The following TRIM52 variants were observed in gnomAD, a reference collection of about 807,000 sequenced individuals.
TRIM52 encodes E3 ubiquitin-protein ligase TRIM52.
TRIM52 carries 24 observed loss-of-function variants against 27.0 expected under a neutral mutation model. That is an observed-to-expected ratio of 0.89 (90% confidence interval 0.64 to 1.25). The LOEUF (loss-of-function observed/expected upper bound fraction) is 1.25. Among genes scored for constraint, TRIM52 ranks in the 50% most tolerant of loss-of-function variants. The probability of loss-of-function intolerance (pLI) is 0.00; values close to 1 mark genes in which losing one functional copy is unlikely to be tolerated. For synonymous variants in TRIM52, 125 were observed against 126.5 expected (o/e 0.99, Z 0.08); for missense variants, 351 against 354.7 (o/e 0.99, Z 0.08).
chr5:181,254,016 C>T (rs943004091), downstream of TRIM52, among the ~76,000 whole-genome samples: 4 of 139,318 alleles, frequency 2.9e-5, 1 homozygote, highest in African/African-American at 6.1e-5. Flanking sequence ...AGAGGCCGGG[C>T]GCGGTGGCTC....
chr5:181,249,278 C>T (rs1261271767), downstream of TRIM52, among the ~76,000 whole-genome samples: 4 of 152,128 alleles, frequency 2.6e-5, no homozygotes, highest in East Asian at 1.9e-4. Context: ...AAGATTCCTA[C>T]GAAGTGGCAC....
intron 1 of TRIM52, chr5:181,259,322 G>A (rs1410942830): frequency 6.5e-6 from 1 of 154,544 alleles, no homozygotes; most frequent in Non-Finnish European, 1.4e-5. Flanking sequence ...GCAGAGCCAG[G>A]TCATCTGATC....
chr5:181,254,965 T>C (rs1390060966), downstream of TRIM52: 2 of 152,224 alleles, frequency 1.3e-5, no homozygotes, highest in Admixed American at 1.3e-4. Context: ...TGACTTGTGA[T>C]ACAGCAGTGA....
At chr5:181,257,486 CTTTA>C in intron 1 of TRIM52, 1 of 1,610,426 alleles carries the variant, frequency 6.2e-7, no homozygotes, top group Non-Finnish European at 8.5e-7. Context: ...TTGTTTCCAA[CTTTA>C]TTTCCTATAT....
chr5:181,257,604 C>T, intron 1 of TRIM52: 1 of 773,072 alleles, frequency 1.3e-6, no homozygotes, highest in Non-Finnish European at 1.9e-6. Flanking sequence ...GTACTGTTAA[C>T]TATTATTATG....
Position 181,260,036 on chromosome 5 carries a change from C to A in TRIM52, c.778G>T (p.Val260Leu). Reference sequence around the variant, plus strand: ...TGCACCACCTCCTCCAAAGGCAGCACGCTGTGCTGTTTGTGGCTCCTGGAT... The same window carrying A: ...TGCACCACCTCCTCCAAAGGCAGCAAGCTGTGCTGTTTGTGGCTCCTGGAT... The part of the protein sequence containing the change: ...RESRSHKQHS[V>L]LPLEEVVQEY... The change falls in exon 1 of 2, where the codon GTG (valine) becomes TTG (leucine). Residue 260 changes from valine to leucine, a missense_variant. Coordinates refer to ENST00000688015, the MANE Select transcript of TRIM52 (RefSeq NM_001346048.2). The surrounding 1 kb of genome is among the most constrained non-coding windows in gnomAD (Gnocchi z 4.4). 1 of 1,614,142 alleles carries A rather than the reference C, an allele frequency of 6.2e-7. No individual in the cohort carries two copies. The highest frequency in any genetic ancestry group is 1.1e-5 in the South Asian group (1 of 91,080).
At chr5:181,259,824 T>C in intron 1 of TRIM52, 177 bp downstream of exon 1, 1 of 1,409,508 alleles carries the variant, frequency 7.1e-7, no homozygotes, top group Non-Finnish European at 9.5e-7. Flanking sequence ...TTCATGGTTT[T>C]GTGTCTCCTT....
chr5:181,253,419 C>T (rs1428806935), downstream of TRIM52, among the ~76,000 whole-genome samples: 1 of 142,750 alleles, frequency 7.0e-6, no homozygotes, highest in African/African-American at 2.9e-5. Flanking sequence ...ACACCTATGC[C>T]AGGCACCGGC....
At position 181,255,788 on chromosome 5, in the gene TRIM52, T is replaced by G. The variant is rs1158783544; in HGVS notation, c.*1021A>C. The G allele has an allele frequency of 6.6e-6, 1 of 152,264 alleles. No homozygotes were observed. The highest frequency in any genetic ancestry group is 2.4e-5 in the African/African-American group (1 of 41,474). 9.4% of individuals were successfully genotyped at this position (152,264 alleles called of 1,614,324 possible). On this transcript the variant is annotated 3_prime_UTR_variant, in exon 2 of 2. Transcript: ENST00000688015. ...TTGACATTTCAGTGTCAATGTATTT[T>G]AAGCTTCAGTGTGTTAAAACTCTGT...
At chr5:181,249,741 G>A (rs931186899), downstream of TRIM52, among the ~76,000 whole-genome samples, 5 of 151,826 alleles carry the variant, frequency 3.3e-5, no homozygotes, top group Non-Finnish European at 7.4e-5. Flanking sequence ...ACAAGTATAG[G>A]TGCTGTCCCA....
intron 1 of TRIM52, chr5:181,258,141 C>T (rs1759864605): frequency 6.6e-6 from 1 of 152,054 alleles, no homozygotes; most frequent in South Asian, 2.1e-4. Flanking sequence ...CCTGTAATCC[C>T]AGCACTTTGG....
At chr5:181,251,243 G>A (rs1380587280), downstream of TRIM52, among the ~76,000 whole-genome samples, 1 of 151,802 alleles carries the variant, frequency 6.6e-6, no homozygotes, top group Non-Finnish European at 1.5e-5. Flanking sequence ...GCAGTGAGCC[G>A]AGGTCGTGTC....
At position 181,261,132 on chromosome 5, in the gene TRIM52, GC is replaced by G. The variant is rs915433241; in HGVS notation, c.-320del. On this transcript the variant is annotated 5_prime_UTR_variant, in exon 1 of 2. Transcript: ENST00000688015. ...CTCAGATGCAGCCGCTGGCTACCCT[GC>G]CCGAGGCGACGCAAAATGACGTCTC... 22 of 286,750 alleles carry G rather than the reference GC, an allele frequency of 7.7e-5. No individual in the cohort carries two copies. Among genetic ancestry groups the G allele is most frequent in the Non-Finnish European group, 1.4e-4 (21 of 151,854 alleles). The allele number at this position is 286,750 out of a possible 1,614,324, so 17.8% of individuals were successfully genotyped here. A position where few individuals can be genotyped will look rare whatever the true frequency, so the allele number is the denominator to read the frequency against.
downstream of TRIM52, among the ~76,000 whole-genome samples, chr5:181,254,033 G>C: frequency 1.4e-5 from 2 of 141,718 alleles, 1 homozygote; most frequent in Admixed American, 1.4e-4. Context: ...GCTCACGCCT[G>C]TAATCCCAGC....
At position 181,260,971 on chromosome 5, in the gene TRIM52, G is replaced by A. The variant is rs531450660; in HGVS notation, c.-158C>T. 1.8e-6 allele frequency: 2 copies of A among 1,112,584 alleles called. No homozygotes were observed. Among genetic ancestry groups the A allele is most frequent in the East Asian group, 2.6e-5 (1 of 38,332 alleles). 68.9% of individuals were successfully genotyped at this position (1,112,584 alleles called of 1,614,324 possible). On this transcript the variant is annotated 5_prime_UTR_variant, in exon 1 of 2. Transcript: ENST00000688015. The surrounding 1 kb of genome is among the most constrained non-coding windows in gnomAD (Gnocchi z 4.4). ...AGGGGAGCTTTGACCCCCTCTCTCAGGGTGCGAACGCCCAGATCCAGACTC... is the reference window on the plus strand; with the variant it reads ...AGGGGAGCTTTGACCCCCTCTCTCAAGGTGCGAACGCCCAGATCCAGACTC...
Position 181,256,259 on chromosome 5 carries a change from C to T in TRIM52, c.*550G>A, listed in dbSNP as rs1372622870. ...CTGTCTTTGGTGGTCAAGTAGAAGG[C>T]TCACGAAAACAGCACACCCACAGTT... On this transcript the variant is annotated 3_prime_UTR_variant, in exon 2 of 2. Transcript: ENST00000688015. 1 of 152,168 alleles carries T rather than the reference C, an allele frequency of 6.6e-6. No individual in the cohort carries two copies. Among genetic ancestry groups the T allele is most frequent in the Non-Finnish European group, 1.5e-5 (1 of 68,032 alleles). 9.4% of individuals were successfully genotyped at this position (152,168 alleles called of 1,614,324 possible).
intron 1 of TRIM52, 40 bp from the exon 2 acceptor site, chr5:181,256,899 A>AG: frequency 1.0e-6 from 1 of 985,658 alleles, no homozygotes; most frequent in Non-Finnish European, 1.2e-6. Flanking sequence ...AAAAGCCTCA[A>AG]CATTTTTTTT....
At chr5:181,251,442 AAAC>A (rs2113232594), downstream of TRIM52, among the ~76,000 whole-genome samples, 1 of 152,328 alleles carries the variant, frequency 6.6e-6, no homozygotes. Flanking sequence ...AAAAAATGGA[AAAC>A]AACAATAACA....
At chr5:181,257,179 G>A in intron 1 of TRIM52, 1 of 1,193,182 alleles carries the variant, frequency 8.4e-7, no homozygotes, top group Non-Finnish European at 1.0e-6. Context: ...ATAATTCTTT[G>A]ATTCTAGCTT....
Sources: allele counts gnomAD v4.1 joint callset (sites outside exome capture counted in the v4.1 genomes callset), GRCh38; gene constraint gnomAD v4.1.1; non-coding constraint Gnocchi (gnomAD v3.1); transcripts MANE v1.5; gene names NCBI Gene and HGNC (gene_info 2026-07-23, HGNC 2026-07-21).